The following SOX5 variants were observed in gnomAD, a reference collection of about 807,000 sequenced individuals.
SOX5 encodes the protein SRY-box transcription factor 5, also known as transcription factor SOX-5.
SOX5 carries 9 observed loss-of-function variants against 92.0 expected under a neutral mutation model. That is an observed-to-expected ratio of 0.10 (90% CI 0.06 to 0.17). The LOEUF (loss-of-function observed/expected upper bound fraction) is 0.17, where lower values mean the gene tolerates loss of function less well. Among genes scored for constraint, SOX5 ranks in the 10% least tolerant of loss-of-function variants. The pLI is 1.00. For missense variants in SOX5, 642 were observed against 944.5 expected, an observed-to-expected ratio of 0.68 and a Z score of 4.20; for synonymous variants, 344 against 336.3, an observed-to-expected ratio of 1.02 and a Z score of -0.25.
intron 1 of SOX5, among the ~76,000 whole-genome samples, chr12:23,900,818 G>A (rs374700604): frequency 6.6e-6 from 1 of 151,914 alleles, no homozygotes. Flanking sequence ...AAATTAGCCG[G>A]GTGTGGTGGT....
At chr12:23,575,234 A>T (rs1948935337) in intron 10 of SOX5, among the ~76,000 whole-genome samples, 1 of 152,192 alleles carries the variant, frequency 6.6e-6, no homozygotes, top group African/African-American at 2.4e-5. Flanking sequence ...AAACTGAACA[A>T]ACTTCACATC....
chr12:24,140,233 G>A (rs1950459228), intron 4 of SOX5, among the ~76,000 whole-genome samples: 1 of 152,096 alleles, frequency 6.6e-6, no homozygotes, highest in African/African-American at 2.4e-5. Flanking sequence ...AAGATAGGAA[G>A]CTATGGGGGT....
intron 4 of SOX5, among the ~76,000 whole-genome samples, chr12:24,027,572 C>T (rs1955017444): frequency 6.6e-6 from 1 of 151,940 alleles, no homozygotes; most frequent in Non-Finnish European, 1.5e-5. Context: ...TAGCAAGAGG[C>T]AGAGTAGTGG....
At chr12:24,252,001 T>G (rs184216000) in intron 3 of SOX5, among the ~76,000 whole-genome samples, 2 of 151,990 alleles carry the variant, frequency 1.3e-5, no homozygotes, top group East Asian at 3.9e-4. Flanking sequence ...TTTCGTTAAA[T>G]TTGCCAGCTT....
chr12:24,422,057 A>C (rs1965995877), intron 1 of SOX5, among the ~76,000 whole-genome samples: 1 of 152,228 alleles, frequency 6.6e-6, no homozygotes, highest in African/African-American at 2.4e-5. Context: ...GGTCAAGGTA[A>C]AACCTGTTCC....
intron 8 of SOX5, among the ~76,000 whole-genome samples, chr12:23,605,568 G>A (rs1467197994): frequency 6.6e-6 from 1 of 151,286 alleles, no homozygotes; most frequent in Non-Finnish European, 1.5e-5. Context: ...TACAATGCAA[G>A]CTAGAATTTC....
intron 4 of SOX5, among the ~76,000 whole-genome samples, chr12:24,146,562 A>G (rs2733664): frequency 1.3e-5 from 2 of 152,070 alleles, no homozygotes; most frequent in Non-Finnish European, 1.5e-5. Flanking sequence ...CTCCGTTTCC[A>G]CTGTAAGAAA....
chr12:24,163,981 G>A (rs1953083541), intron 4 of SOX5, among the ~76,000 whole-genome samples: 1 of 152,040 alleles, frequency 6.6e-6, no homozygotes, highest in South Asian at 2.1e-4. Flanking sequence ...AAATTATACG[G>A]TATAAATTAA....
At chr12:24,039,738 T>C (rs1219043757) in intron 4 of SOX5, among the ~76,000 whole-genome samples, 2 of 152,192 alleles carry the variant, frequency 1.3e-5, no homozygotes, top group Non-Finnish European at 1.5e-5. Context: ...CCTTTTGTAA[T>C]CATTCACATT....
At chr12:23,726,763 G>A (rs2093157475) in intron 6 of SOX5, among the ~76,000 whole-genome samples, 2 of 152,034 alleles carry the variant, frequency 1.3e-5, no homozygotes, top group South Asian at 4.1e-4. Context: ...CTGCTTTCTG[G>A]GCCAATCTCA....
At chr12:24,350,191 A>G (rs531645950) in intron 2 of SOX5, among the ~76,000 whole-genome samples, 5 of 152,362 alleles carry the variant, frequency 3.3e-5, no homozygotes, top group African/African-American at 1.2e-4. Flanking sequence ...AACACTGAAA[A>G]GGCTCTTGTT....
At chr12:24,525,231 T>C (rs1950596599) in intron 1 of SOX5, among the ~76,000 whole-genome samples, 1 of 152,194 alleles carries the variant, frequency 6.6e-6, no homozygotes, top group South Asian at 2.1e-4. Context: ...TGATCCAATA[T>C]GCAAAAACAT....
chr12:24,480,036 A>G, intron 1 of SOX5, among the ~76,000 whole-genome samples: 1 of 152,210 alleles, frequency 6.6e-6, no homozygotes. Flanking sequence ...GCAAATTTCT[A>G]AGAACCTGAT....
chr12:24,145,713 C>T (rs1347139170), intron 4 of SOX5, among the ~76,000 whole-genome samples: 2 of 152,086 alleles, frequency 1.3e-5, no homozygotes, highest in African/African-American at 2.4e-5. Flanking sequence ...CACTACGTTG[C>T]CCAGGCTGGT....
intron 3 of SOX5, among the ~76,000 whole-genome samples, chr12:23,815,465 A>G (rs975655385): frequency 2.0e-5 from 3 of 152,202 alleles, no homozygotes; most frequent in African/African-American, 4.8e-5. Flanking sequence ...CTGATAACTG[A>G]TAAGAGTTCA....
intron 2 of SOX5, among the ~76,000 whole-genome samples, chr12:23,882,799 G>A (rs1010742351): frequency 6.6e-6 from 1 of 152,018 alleles, no homozygotes; most frequent in Non-Finnish European, 1.5e-5. Flanking sequence ...AGTGTCTTCC[G>A]TGCACACAGG....
chr12:23,979,940 G>A (rs1384358642), intron 4 of SOX5, among the ~76,000 whole-genome samples: 1 of 136,962 alleles, frequency 7.3e-6, no homozygotes, highest in Non-Finnish European at 1.6e-5. Flanking sequence ...CAGACAGATA[G>A]ATAGATAGAT....
chr12:23,534,425 A>C lies in SOX5; in HGVS notation c.2086T>G (p.Ser696Ala). ...MPSPHLPSEH[S>A]SVSSSPEPGM... ...GGCTCTGGGCTGCTAGACACGCTTG[A>C]GTGCTCCGAGGGCAGGTGAGGGGAG... Residue 696 changes from serine to alanine, a missense_variant, in exon 15 of 15, where the codon TCA (serine) becomes GCA (alanine). Physicochemically the swap from Ser to Ala is moderately conservative, Grantham distance 99. Coordinates refer to ENST00000451604, the MANE Select transcript of SOX5 (RefSeq NM_006940.6). 1 of 1,614,056 alleles carries C rather than the reference A, an allele frequency of 6.2e-7. No individual in the cohort carries two copies. The highest frequency in any genetic ancestry group is 8.5e-7 in the Non-Finnish European group (1 of 1,180,000).
In SOX5 at chr12:23,896,516, T is replaced by C. The variant is rs141756834; in HGVS notation, c.39-492A>G. Among the ~76,000 whole-genome samples the C allele has an allele frequency of 3.3e-3, 495 of 152,278 alleles. 3 individuals carry two copies. Among genetic ancestry groups the C allele is most frequent in the African/African-American group, 0.012 (479 of 41,562 alleles). Reference sequence around the variant, plus strand: ...TACATTTTATTGAAAGTAAGATTATTGTAAAATGTAGAAATATTGGTTATA... The same window carrying C: ...TACATTTTATTGAAAGTAAGATTATCGTAAAATGTAGAAATATTGGTTATA... On this transcript the variant is annotated intron_variant, in intron 1 of 14. Transcript: ENST00000451604.
Sources: gnomAD v4.1 joint callset for allele counts (sites outside exome capture counted in the v4.1 genomes callset) on GRCh38, gnomAD v4.1.1 for gene constraint, MANE v1.5 for transcripts, NCBI Gene and HGNC (gene_info 2026-07-23, HGNC 2026-07-21) for gene names.